The following SYNE1 variants were observed in gnomAD, a reference collection of about 807,000 sequenced individuals.
The protein encoded by SYNE1 is nesprin-1.
SYNE1 carries 616 observed loss-of-function variants against 1,111.0 expected under a neutral mutation model. The ratio of observed to expected loss-of-function variants is 0.55; its 90% CI spans 0.52 to 0.59. The LOEUF (loss-of-function observed/expected upper bound fraction) is 0.59, where lower values mean the gene tolerates loss of function less well. SYNE1 is among the 20% of genes least tolerant of loss of function. The pLI is 0.00. For synonymous variants in SYNE1, 3,855 were observed against 3,825.8 expected (o/e 1.01, Z -0.28); for missense variants, 10,006 against 10,417.0 (o/e 0.96, Z 1.72).
chr6:152,366,999 C>T (rs781609649), intron 62 of SYNE1: 130 of 703,594 alleles, frequency 1.8e-4, no homozygotes, highest in Non-Finnish European at 2.9e-4. Context: ...TAATCACATT[C>T]GGGCTTTATT....
At chr6:152,283,307 C>T (rs1009034780) in intron 96 of SYNE1, among the ~76,000 whole-genome samples, 1 of 152,136 alleles carries the variant, frequency 6.6e-6, no homozygotes, top group African/African-American at 2.4e-5. Flanking sequence ...AGGATTTATT[C>T]TTTATAGTGT....
At chr6:152,136,009 A>G (rs887181207) in intron 141 of SYNE1, among the ~76,000 whole-genome samples, 1 of 152,160 alleles carries the variant, frequency 6.6e-6, no homozygotes, top group African/African-American at 2.4e-5. Context: ...TATTACCTTC[A>G]TAGCAACATC....
intron 44 of SYNE1, among the ~76,000 whole-genome samples, chr6:152,408,511 T>A (rs1053807934): frequency 3.3e-5 from 5 of 152,198 alleles, no homozygotes; most frequent in African/African-American, 4.8e-5. Flanking sequence ...TTCAGAGTTA[T>A]AACTTGTTAT....
At chr6:152,469,303 T>C (rs1327574246) in intron 16 of SYNE1, among the ~76,000 whole-genome samples, 1 of 152,030 alleles carries the variant, frequency 6.6e-6, no homozygotes, top group Non-Finnish European at 1.5e-5. Flanking sequence ...CCTAGAAAAA[T>C]TCCTACCATT....
chr6:152,188,462 A>G (rs960236274), intron 128 of SYNE1, among the ~76,000 whole-genome samples: 17 of 152,334 alleles, frequency 1.1e-4, no homozygotes, highest in African/African-American at 4.1e-4. Flanking sequence ...ATAAATGAAT[A>G]AAGTATGACT....
chr6:152,305,088 T>C (rs1222237728), intron 91 of SYNE1, among the ~76,000 whole-genome samples: 2 of 152,156 alleles, frequency 1.3e-5, no homozygotes, highest in African/African-American at 2.4e-5. Context: ...TTTATAAAGG[T>C]AGGAATTTCA....
intron 3 of SYNE1, among the ~76,000 whole-genome samples, chr6:152,614,133 A>C (rs988013365): frequency 1.1e-4 from 16 of 152,212 alleles, no homozygotes; most frequent in Non-Finnish European, 2.1e-4. Context: ...AAAATAGACA[A>C]ATGGGATCTA....
intron 19 of SYNE1, 58 bp from the exon 20 acceptor site, chr6:152,462,948 A>G (rs1294080747): frequency 1.9e-6 from 3 of 1,590,944 alleles, no homozygotes; most frequent in Non-Finnish European, 2.6e-6. Flanking sequence ...GACCACTGGA[A>G]CCACAACTTT....
chr6:152,126,083 T>C (rs1333232559), intron 145 of SYNE1: 1 of 152,242 alleles, frequency 6.6e-6, no homozygotes, highest in African/African-American at 2.4e-5. Context: ...GCATTTTTTA[T>C]TAAAATTTAA....
intron 28 of SYNE1, 48 bp downstream of exon 28, chr6:152,449,485 T>C (rs1211611574): frequency 3.0e-6 from 4 of 1,322,656 alleles, no homozygotes; most frequent in South Asian, 1.2e-5. Flanking sequence ...AACATTATTC[T>C]TCCACTATGA....
At chr6:152,443,671 A>G (rs2098552791) in intron 30 of SYNE1, among the ~76,000 whole-genome samples, 1 of 152,184 alleles carries the variant, frequency 6.6e-6, no homozygotes, top group East Asian at 1.9e-4. Context: ...CAGAATATAT[A>G]TGTATATAAT....
At chr6:152,374,256 T>G (rs2097241161) in intron 58 of SYNE1, among the ~76,000 whole-genome samples, 1 of 152,186 alleles carries the variant, frequency 6.6e-6, no homozygotes, top group Non-Finnish European at 1.5e-5. Context: ...ATGGGTAGAT[T>G]CTGTATTCTA....
chr6:152,343,867 C>A (rs527924055), intron 74 of SYNE1, among the ~76,000 whole-genome samples: 2 of 152,318 alleles, frequency 1.3e-5, no homozygotes, highest in Admixed American at 6.5e-5. Context: ...TACGCCTGGC[C>A]CCATTCTCTT....
Position 152,565,847 on chromosome 6 carries a change from T to C in SYNE1, c.68-25826A>G, listed in dbSNP as rs561048753. On this transcript the variant is annotated intron_variant, in intron 3 of 145. Transcript: ENST00000367255. ...TCAGTGCCAACTAAGGGGGAGGAAC[T>C]GTGGGGTTTAAAAGTTAGAATAAAC... is the stretch of plus-strand genomic sequence containing the variant. Among the ~76,000 whole-genome samples, 8 of 152,290 alleles carry C rather than the reference T, an allele frequency of 5.3e-5. No individual in the cohort carries two copies. In the East Asian group the frequency reaches 1.5e-3, roughly 29 times the overall value.
At chr6:152,233,709 G>C (rs952401296) in intron 112 of SYNE1, 72 bp downstream of exon 112, 1 of 1,576,954 alleles carries the variant, frequency 6.3e-7, no homozygotes, top group African/African-American at 1.3e-5. Flanking sequence ...GTGAGCAAAA[G>C]CAAATTAATG....
At chr6:152,460,799 C>CTTTTTT (rs869295894) in intron 21 of SYNE1, among the ~76,000 whole-genome samples, 1 of 67,604 alleles carries the variant, frequency 1.5e-5, no homozygotes, top group Non-Finnish European at 2.6e-5. Context: ...TGTATATAAT[C>CTTTTTT]TTTTTTTTTT....
At chr6:152,429,484 T>A (rs1179332578) in intron 36 of SYNE1, among the ~76,000 whole-genome samples, 1 of 152,224 alleles carries the variant, frequency 6.6e-6, no homozygotes, top group Non-Finnish European at 1.5e-5. Context: ...ATGGCCTTTG[T>A]CAATGGCTTG....
intron 95 of SYNE1, among the ~76,000 whole-genome samples, chr6:152,288,724 T>C (rs2094449787): frequency 1.3e-5 from 2 of 152,142 alleles, no homozygotes; most frequent in Admixed American, 1.3e-4. Flanking sequence ...TTTTGTATTT[T>C]CAGTAGAGAC....
At chr6:152,191,940 GT>G (rs2072543500) in intron 127 of SYNE1, among the ~76,000 whole-genome samples, 1 of 152,060 alleles carries the variant, frequency 6.6e-6, no homozygotes, top group Non-Finnish European at 1.5e-5. Flanking sequence ...TTGGTATGTT[GT>G]GTTTCCATTA....
Sources: gnomAD v4.1 joint callset for allele counts (sites outside exome capture counted in the v4.1 genomes callset) on GRCh38, gnomAD v4.1.1 for gene constraint, MANE v1.5 for transcripts, NCBI Gene and HGNC (gene_info 2026-07-23, HGNC 2026-07-21) for gene names.